Variants in ALK observed in about 807,000 individuals in gnomAD.
ALK encodes the protein ALK receptor tyrosine kinase, also known as ALK tyrosine kinase receptor.
A neutral mutation model predicts 163.1 loss-of-function variants in ALK; 74 were observed. The ratio of observed to expected loss-of-function variants is 0.45; its 90% CI spans 0.38 to 0.55. The LOEUF (loss-of-function observed/expected upper bound fraction) is 0.55. ALK is among the 20% of genes least tolerant of loss of function. ALK has a pLI of 0.00. For synonymous variants in ALK, 960 were observed against 843.2 expected (o/e 1.14, Z -2.40); for missense variants, 2,063 against 2,105.3 (o/e 0.98, Z 0.39).
At chr2:29,709,963 G>T (rs1348233457) in intron 2 of ALK, among the ~76,000 whole-genome samples, 1 of 152,046 alleles carries the variant, frequency 6.6e-6, no homozygotes. Flanking sequence ...GATATGATTT[G>T]TCTGTGCCCC....
At chr2:29,783,581 A>T (rs912232290) in intron 1 of ALK, among the ~76,000 whole-genome samples, 7 of 152,232 alleles carry the variant, frequency 4.6e-5, no homozygotes, top group African/African-American at 1.7e-4. Context: ...GCAAGAAAAA[A>T]ATTAAAAATA....
In ALK at chr2:29,380,154, G is replaced by A. The variant is rs567029789; in HGVS notation, c.1282+3578C>T. Among the ~76,000 whole-genome samples, 10 of 151,170 alleles carry A rather than the reference G, an allele frequency of 6.6e-5. No homozygotes were observed. The East Asian group carries it at 1.9e-3, about 29-fold the overall frequency. On this transcript the variant is annotated intron_variant, in intron 5 of 28. Transcript: ENST00000389048. The stretch of plus-strand genomic sequence containing the variant: ...CAGAGTCTCACTCTGTCACCAGGCT[G>A]GAGTGCACTGGCACGATCTCAGCTT...
intron 3 of ALK, among the ~76,000 whole-genome samples, chr2:29,567,470 C>G (rs1674224996): frequency 6.6e-6 from 1 of 152,156 alleles, no homozygotes; most frequent in Non-Finnish European, 1.5e-5. Flanking sequence ...AGTACGTATT[C>G]AAGTATTCTC....
intron 28 of ALK, among the ~76,000 whole-genome samples, chr2:29,196,070 G>A (rs1031811104): frequency 2.0e-5 from 3 of 152,092 alleles, no homozygotes; most frequent in African/African-American, 4.8e-5. Flanking sequence ...AAATGAGGGA[G>A]AGAAGCAAAA....
chr2:29,826,263 G>GAC (rs199866767), intron 1 of ALK, among the ~76,000 whole-genome samples: 110 of 152,020 alleles, frequency 7.2e-4, no homozygotes, highest in African/African-American at 2.5e-3. Context: ...GAAAAAGAAA[G>GAC]AGTGTGCCTG....
intron 4 of ALK, among the ~76,000 whole-genome samples, chr2:29,496,316 AACTC>A (rs1270170814): frequency 6.6e-6 from 1 of 152,274 alleles, no homozygotes; most frequent in Non-Finnish European, 1.5e-5. Flanking sequence ...TTTCCTCCAC[AACTC>A]ACTCACTTTT....
chr2:29,591,550 G>T (rs888841529), intron 3 of ALK, among the ~76,000 whole-genome samples: 1 of 152,146 alleles, frequency 6.6e-6, no homozygotes, highest in Non-Finnish European at 1.5e-5. Flanking sequence ...CGTCAGAGGA[G>T]CCCAGGTGAA....
chr2:29,490,963 T>C (rs575044928), intron 4 of ALK, among the ~76,000 whole-genome samples: 1 of 152,300 alleles, frequency 6.6e-6, no homozygotes, highest in South Asian at 2.1e-4. Context: ...AATTTTTACC[T>C]GCATTTACAA....
chr2:29,889,077 C>T (rs1404699523), intron 1 of ALK, among the ~76,000 whole-genome samples: 1 of 152,042 alleles, frequency 6.6e-6, no homozygotes, highest in African/African-American at 2.4e-5. Flanking sequence ...TTAATTTGAA[C>T]CAAAAAGTGA....
intron 1 of ALK, among the ~76,000 whole-genome samples, chr2:29,829,970 G>C (rs1370037767): frequency 6.6e-6 from 1 of 152,204 alleles, no homozygotes; most frequent in Non-Finnish European, 1.5e-5. Flanking sequence ...GCCATAATTT[G>C]CTGTCTCTCT....
intron 3 of ALK, among the ~76,000 whole-genome samples, chr2:29,674,428 A>T (rs1163033592): frequency 6.6e-6 from 1 of 150,984 alleles, no homozygotes; most frequent in Non-Finnish European, 1.5e-5. Flanking sequence ...ATCTATTGAG[A>T]TAATCATGTG....
intron 16 of ALK, among the ~76,000 whole-genome samples, chr2:29,228,435 G>A (rs1664078988): frequency 6.6e-6 from 1 of 152,168 alleles, no homozygotes; most frequent in Non-Finnish European, 1.5e-5. Flanking sequence ...TTGCCCTCGG[G>A]AATAGCTCCC....
chr2:29,803,777 G>C (rs1266404917), intron 1 of ALK, among the ~76,000 whole-genome samples: 1 of 152,210 alleles, frequency 6.6e-6, no homozygotes, highest in African/African-American at 2.4e-5. Context: ...CAAGCTTAGA[G>C]GTTGGAGGTG....
Position 29,659,187 on chromosome 2 carries a change from T to C in ALK, c.952+35663A>G, listed in dbSNP as rs148066951. On this transcript the variant is annotated intron_variant, in intron 3 of 28. Transcript: ENST00000389048. Reference sequence around the variant, plus strand: ...TGCTGCAGGTAGTTAAAAGGAGTGATAGGGATCCTCTAAACCCACTCAAAC... The same window carrying C: ...TGCTGCAGGTAGTTAAAAGGAGTGACAGGGATCCTCTAAACCCACTCAAAC... 1.2e-4 allele frequency among the ~76,000 whole-genome samples: 19 copies of C among 152,280 alleles called. No individual in the cohort carries two copies. The East Asian group carries it at 2.9e-3, about 23-fold the overall frequency.
chr2:29,486,931 G>A (rs1430228974), intron 4 of ALK, among the ~76,000 whole-genome samples: 1 of 152,154 alleles, frequency 6.6e-6, no homozygotes, highest in Non-Finnish European at 1.5e-5. Context: ...TAAGTCAACT[G>A]CCTATGTAAT....
intron 1 of ALK, among the ~76,000 whole-genome samples, chr2:29,797,881 G>A (rs1664361582): frequency 6.6e-6 from 1 of 151,966 alleles, no homozygotes; most frequent in African/African-American, 2.4e-5. Flanking sequence ...AAGAATTTGG[G>A]TCAAGAAAGC....
At chr2:29,494,987 C>A (rs931992675) in intron 4 of ALK, among the ~76,000 whole-genome samples, 1 of 152,136 alleles carries the variant, frequency 6.6e-6, no homozygotes, top group Non-Finnish European at 1.5e-5. Context: ...ATATCGCTCA[C>A]CTGCGATAGC....
intron 8 of ALK, among the ~76,000 whole-genome samples, chr2:29,307,461 C>G (rs1666556313): frequency 6.6e-6 from 1 of 152,158 alleles, no homozygotes; most frequent in African/African-American, 2.4e-5. Context: ...CCTGGGTATT[C>G]CCCATCCAGT....
chr2:29,717,393 G>A (rs1235895042), intron 2 of ALK, among the ~76,000 whole-genome samples, 185 bp downstream of exon 2: 4 of 152,092 alleles, frequency 2.6e-5, no homozygotes, highest in Non-Finnish European at 5.9e-5. Flanking sequence ...AGCTGGAATG[G>A]CCTGGCTGGA....
Sources: allele counts gnomAD v4.1 joint callset (sites outside exome capture counted in the v4.1 genomes callset), GRCh38; gene constraint gnomAD v4.1.1; transcripts MANE v1.5; gene names NCBI Gene and HGNC (gene_info 2026-07-23, HGNC 2026-07-21).